The following GNB4 variants were observed in gnomAD, a reference collection of about 807,000 sequenced individuals.
The protein encoded by GNB4 is guanine nucleotide-binding protein subunit beta-4.
GNB4 carries 28 observed loss-of-function variants against 45.2 expected under a neutral mutation model. The ratio of observed to expected loss-of-function variants is 0.62; its 90% CI spans 0.46 to 0.85. GNB4 has a LOEUF of 0.85. Among genes scored for constraint, GNB4 ranks in the 40% least tolerant of loss-of-function variants. GNB4 has a pLI of 0.00. For missense variants in GNB4, 321 were observed against 425.4 expected (o/e 0.75, Z 2.16); for synonymous variants, 132 against 143.7 (o/e 0.92, Z 0.58).
At position 179,424,861 on chromosome 3, in the gene GNB4, G is replaced by A. The variant is rs144341351; in HGVS notation, c.57+1283C>T. 5.4e-3 allele frequency among the ~76,000 whole-genome samples: 825 copies of A among 152,274 alleles called. 4 individuals carry two copies. The highest frequency in any genetic ancestry group is 0.019 in the African/African-American group (782 of 41,568). On this transcript the variant is annotated intron_variant, in intron 2 of 9. Transcript: ENST00000232564. Reference sequence around the variant, plus strand: ...TGTCTCAAGCAATCCTCCCGCCTCAGCCTTCCAAAATGCTGGGATTACAGG... The same window carrying A: ...TGTCTCAAGCAATCCTCCCGCCTCAACCTTCCAAAATGCTGGGATTACAGG...
chr3:179,409,566 C>T (rs1382487550), intron 8 of GNB4, among the ~76,000 whole-genome samples: 1 of 151,588 alleles, frequency 6.6e-6, no homozygotes, highest in African/African-American at 2.4e-5. Context: ...AATCCCAGCA[C>T]TTTGGGAGGC....
At chr3:179,483,277 T>C in the GNB4 span, among the ~76,000 whole-genome samples, 5 of 152,012 alleles carry the variant, frequency 3.3e-5, no homozygotes, top group East Asian at 1.9e-4. Context: ...AAAATAGAAA[T>C]AGGAATTTAA....
chr3:179,462,988 G>T, the GNB4 span, among the ~76,000 whole-genome samples: 1 of 151,978 alleles, frequency 6.6e-6, no homozygotes, highest in Non-Finnish European at 1.5e-5. Context: ...AAGAGCTAAT[G>T]AAGAAAAAAA....
intron 2 of GNB4, among the ~76,000 whole-genome samples, chr3:179,425,412 G>A (rs746004841): frequency 1.6e-4 from 25 of 152,146 alleles, no homozygotes; most frequent in Non-Finnish European, 3.5e-4. Flanking sequence ...TATCCTTACT[G>A]TTTTGAGTTG....
intron 1 of GNB4, among the ~76,000 whole-genome samples, chr3:179,435,935 C>T (rs1253722206): frequency 1.3e-5 from 2 of 152,182 alleles, no homozygotes; most frequent in Non-Finnish European, 2.9e-5. Flanking sequence ...AGAACTTTTA[C>T]TGAAGCAAGG....
At chr3:179,431,680 T>C (rs1715315914) in intron 1 of GNB4, among the ~76,000 whole-genome samples, 1 of 152,202 alleles carries the variant, frequency 6.6e-6, no homozygotes, top group Admixed American at 6.5e-5. Flanking sequence ...GGAAGGAAGT[T>C]AGATCTACCG....
intron 1 of GNB4, among the ~76,000 whole-genome samples, chr3:179,431,761 A>G (rs1041667683): frequency 1.3e-5 from 2 of 152,142 alleles, no homozygotes; most frequent in African/African-American, 4.8e-5. Flanking sequence ...TTCATACTGT[A>G]GCACATCAGG....
chr3:179,469,876 G>A, the GNB4 span, among the ~76,000 whole-genome samples: 10 of 152,108 alleles, frequency 6.6e-5, no homozygotes, highest in South Asian at 2.1e-4. Flanking sequence ...TGAAAGTGAC[G>A]GACGGCATCT....
the GNB4 span, among the ~76,000 whole-genome samples, chr3:179,465,572 T>C: frequency 6.6e-6 from 1 of 152,086 alleles, no homozygotes; most frequent in African/African-American, 2.4e-5. Context: ...TCCAGAAATT[T>C]TTTAAGAGTT....
chr3:179,487,433 G>A, the GNB4 span, among the ~76,000 whole-genome samples: 25 of 152,184 alleles, frequency 1.6e-4, 2 homozygotes, highest in East Asian at 5.8e-4. Flanking sequence ...CCCTCTTGGC[G>A]AAGGGAACCC....
intron 4 of GNB4, 34 bp from the exon 5 acceptor site, chr3:179,416,590 T>C (rs753163567): frequency 3.6e-6 from 5 of 1,388,372 alleles, no homozygotes; most frequent in Non-Finnish European, 5.0e-6. Flanking sequence ...ATTTGACACT[T>C]AGAGGGAAAA....
the GNB4 span, among the ~76,000 whole-genome samples, chr3:179,484,727 T>C: frequency 6.6e-6 from 1 of 152,124 alleles, no homozygotes; most frequent in Non-Finnish European, 1.5e-5. Flanking sequence ...AAAGAAAATA[T>C]GTGTGTTAGA....
In GNB4 at chr3:179,405,170, A is replaced by AT; in HGVS notation, c.916+19dup. On this transcript the variant is annotated intron_variant, in intron 9 of 9. Coordinates refer to ENST00000232564, the MANE Select transcript of GNB4 (RefSeq NM_021629.4). ...CACGCTTCCTGAAAATCAGAACCTA[A>AT]TGTGGACTTATTTACTAACCTGCAC... 1.3e-6 allele frequency: 2 copies of AT among 1,586,564 alleles called. No individual in the cohort carries two copies. Among genetic ancestry groups the AT allele is most frequent in the East Asian group, 4.5e-5 (2 of 44,660 alleles).
chr3:179,523,232 G>C, the GNB4 span, among the ~76,000 whole-genome samples: 1 of 152,160 alleles, frequency 6.6e-6, no homozygotes, highest in African/African-American at 2.4e-5. Flanking sequence ...AGATAGGTAA[G>C]GGATGAGGAA....
rs1193801217 is a variant in GNB4, at chr3:179,398,702, AAACTGT to A, written c.*2505_*2510del. 6.6e-5 allele frequency: 10 copies of A among 152,196 alleles called. No homozygotes were observed. Among genetic ancestry groups the A allele is most frequent in the African/African-American group, 2.2e-4 (9 of 41,438 alleles). The allele number at this position is 152,196 out of a possible 1,614,324, so 9.4% of individuals were successfully genotyped here. On this transcript the variant is annotated 3_prime_UTR_variant, in exon 10 of 10. Transcript: ENST00000232564. The stretch of plus-strand genomic sequence containing the variant: ...CAGAATTCAACAATCAGCTCAACTT[AAACTGT>A]AAGTAAACAAATATATTTAGCAACT...
chr3:179,479,447 T>G, the GNB4 span, among the ~76,000 whole-genome samples: 2 of 152,244 alleles, frequency 1.3e-5, no homozygotes, highest in African/African-American at 4.8e-5. Flanking sequence ...TATGTTCACT[T>G]CAGGTAGAAG....
intron 9 of GNB4, 122 bp from the exon 10 acceptor site, chr3:179,401,441 T>TA: frequency 2.3e-6 from 1 of 440,614 alleles, no homozygotes; most frequent in Non-Finnish European, 4.0e-6. Context: ...GTTCATCAGT[T>TA]AAAAAATAAT....
chr3:179,473,539 A>C, the GNB4 span, among the ~76,000 whole-genome samples: 1 of 152,068 alleles, frequency 6.6e-6, no homozygotes, highest in Non-Finnish European at 1.5e-5. Context: ...GGGCTCAAGC[A>C]AACTTCCCAC....
chr3:179,461,512 AAT>A, the GNB4 span, among the ~76,000 whole-genome samples: 4 of 140,164 alleles, frequency 2.9e-5, no homozygotes, highest in African/African-American at 2.8e-5. Flanking sequence ...AAAAAAAAAA[AAT>A]GATTTTAGGC....
Sources: allele counts gnomAD v4.1 joint callset (sites outside exome capture counted in the v4.1 genomes callset), GRCh38; gene constraint gnomAD v4.1.1; transcripts MANE v1.5; gene names NCBI Gene and HGNC (gene_info 2026-07-23, HGNC 2026-07-21).